Variants in DPH6 observed in about 807,000 individuals in gnomAD.
The protein encoded by DPH6 is diphthine--ammonia ligase.
DPH6 carries 33 observed loss-of-function variants against 38.2 expected under a neutral mutation model. That is an observed-to-expected ratio of 0.86 (90% CI 0.65 to 1.15). The LOEUF is 1.15. Among genes scored for constraint, DPH6 ranks in the 50% most tolerant of loss-of-function variants. The probability of loss-of-function intolerance (pLI) is 0.00; values close to 1 mark genes in which losing one functional copy is unlikely to be tolerated. For missense variants in DPH6, 325 were observed against 320.0 expected, an observed-to-expected ratio of 1.02 and a Z score of -0.12; for synonymous variants, 108 against 103.0, an observed-to-expected ratio of 1.05 and a Z score of -0.30.
At chr15:35,406,938 G>T (rs1324770122) in intron 6 of DPH6, among the ~76,000 whole-genome samples, 1 of 151,996 alleles carries the variant, frequency 6.6e-6, no homozygotes, top group Non-Finnish European at 1.5e-5. Flanking sequence ...CACCACAGGA[G>T]GAAGGCTATG....
the DPH6 span, among the ~76,000 whole-genome samples, chr15:35,187,993 A>G: frequency 3.3e-5 from 5 of 152,154 alleles, no homozygotes; most frequent in African/African-American, 1.2e-4. Flanking sequence ...AAATACAAAA[A>G]TTGGCCAGAT....
chr15:35,473,723 G>A (rs1318613905), intron 3 of DPH6, among the ~76,000 whole-genome samples: 1 of 152,044 alleles, frequency 6.6e-6, no homozygotes, highest in Admixed American at 6.5e-5. Flanking sequence ...TATGTACCAG[G>A]ACATTCATGG....
chr15:35,288,028 A>G (rs2051955106), intron 3 of DPH6, among the ~76,000 whole-genome samples: 1 of 152,202 alleles, frequency 6.6e-6, no homozygotes, highest in Admixed American at 6.5e-5. Flanking sequence ...TTGCAATGCT[A>G]TGCTGAATAA....
At chr15:35,153,047 T>C in the DPH6 span, among the ~76,000 whole-genome samples, 3 of 152,192 alleles carry the variant, frequency 2.0e-5, no homozygotes, top group African/African-American at 7.2e-5. Flanking sequence ...GCTTTTATAT[T>C]TTTTAATGGT....
chr15:35,146,153 T>C, the DPH6 span, among the ~76,000 whole-genome samples: 3 of 151,456 alleles, frequency 2.0e-5, no homozygotes, highest in South Asian at 2.1e-4. Flanking sequence ...GTTTTACTCA[T>C]TGAATATATA....
rs552526546 is a variant in DPH6 at position 35,275,551 on chromosome 15, G to C, written n.201-54969C>G. ...GAATATCACACACTGGGGCCTGTCA[G>C]GGGGTGGGGAGCAAGGAGAGGGAGA... On this transcript the variant is annotated intron_variant and non_coding_transcript_variant, in intron 3 of 3. Coordinates refer to the DPH6 transcript ENST00000560386. 1.2e-4 allele frequency among the ~76,000 whole-genome samples: 18 copies of C among 152,158 alleles called. No homozygotes were observed. The South Asian group carries it at 1.2e-3, about 11-fold the overall frequency.
intron 6 of DPH6, among the ~76,000 whole-genome samples, chr15:35,395,972 C>A (rs575821008): frequency 6.6e-6 from 1 of 152,290 alleles, no homozygotes; most frequent in South Asian, 2.1e-4. Flanking sequence ...AGTTCATCTA[C>A]AACATGCTTT....
the DPH6 span, among the ~76,000 whole-genome samples, chr15:35,166,504 G>C: frequency 0.07 from 10,669 of 151,708 alleles, 541 homozygotes; most frequent in East Asian, 0.26. Context: ...AACTTAGAAG[G>C]GTAGACAGAA....
At position 35,478,402 on chromosome 15, in the gene DPH6, CACAA is replaced by C. The variant is rs1483478762; in HGVS notation, c.313-23586_313-23583del. Among the ~76,000 whole-genome samples the C allele has an allele frequency of 2.2e-3, 284 of 129,536 alleles. 1 individual carries two copies. The highest frequency in any genetic ancestry group is 9.9e-3 in the South Asian group (38 of 3,822). 85.0% of individuals were successfully genotyped at this position (129,536 alleles called of 152,430 possible). A position where few individuals can be genotyped will look rare whatever the true frequency, so the allele number is the denominator to read the frequency against. On this transcript the variant is annotated intron_variant, in intron 3 of 8. Coordinates refer to ENST00000256538, the MANE Select transcript of DPH6 (RefSeq NM_080650.4). The stretch of plus-strand genomic sequence containing the variant: ...ACACACACACACACACACACACACA[CACAA>C]AGATTGTAAAAATATGCAGTGGATT...
rs796955271 is a variant in DPH6, at chr15:35,543,020, T to TA, written c.24-514dup. Among the ~76,000 whole-genome samples the TA allele has an allele frequency of 2.0e-3, 182 of 91,662 alleles. 1 individual carries two copies. Among genetic ancestry groups the TA allele is most frequent in the Non-Finnish European group, 2.4e-3 (108 of 44,540 alleles). The allele number at this position is 91,662 out of a possible 152,430, so 60.1% of individuals were successfully genotyped here. ...AAAAAAACTATTCTCTATGAGAAAG[T>TA]AAAAAAAAAAACAAATTCTGCTCCA... On this transcript the variant is annotated intron_variant, in intron 1 of 8. Transcript: ENST00000256538.
intron 3 of DPH6, among the ~76,000 whole-genome samples, chr15:35,503,042 G>C (rs1340108908): frequency 6.6e-6 from 1 of 150,748 alleles, no homozygotes; most frequent in Non-Finnish European, 1.5e-5. Flanking sequence ...TTCTTGTCCA[G>C]AAAAAAGTCC....
chr15:35,520,958 C>CAGA (rs2141236484), intron 3 of DPH6: 1 of 985,144 alleles, frequency 1.0e-6, no homozygotes, highest in South Asian at 4.7e-5. Context: ...AATCAAAGTG[C>CAGA]AGAACTGTGA....
At chr15:35,479,880 G>A (rs992796150) in intron 3 of DPH6, among the ~76,000 whole-genome samples, 4 of 151,872 alleles carry the variant, frequency 2.6e-5, no homozygotes, top group Non-Finnish European at 5.9e-5. Context: ...AAAGCATTTC[G>A]ATTAGACAAT....
At chr15:35,520,299 C>T (rs1460329522) in intron 3 of DPH6, 2 of 972,558 alleles carry the variant, frequency 2.1e-6, no homozygotes, top group African/African-American at 3.6e-5. Context: ...TTTTATTACA[C>T]ATAAAAACTC....
chr15:35,480,399 A>C (rs1339285852), intron 3 of DPH6, among the ~76,000 whole-genome samples: 1 of 152,116 alleles, frequency 6.6e-6, no homozygotes, highest in Non-Finnish European at 1.5e-5. Context: ...ACTGAATTTC[A>C]CCAAAACAAG....
intron 3 of DPH6, among the ~76,000 whole-genome samples, chr15:35,478,220 C>T (rs1266334224): frequency 1.3e-5 from 2 of 151,774 alleles, no homozygotes; most frequent in African/African-American, 4.8e-5. Context: ...TACTGATAAG[C>T]CTATAACTAA....
At chr15:35,286,165 A>G (rs2051942687) in intron 3 of DPH6, among the ~76,000 whole-genome samples, 1 of 152,188 alleles carries the variant, frequency 6.6e-6, no homozygotes, top group Non-Finnish European at 1.5e-5. Context: ...TAGGTAGATT[A>G]AAAAACACAA....
At chr15:35,297,885 T>C (rs1001528169) in intron 3 of DPH6, among the ~76,000 whole-genome samples, 10 of 152,130 alleles carry the variant, frequency 6.6e-5, no homozygotes, top group Admixed American at 2.0e-4. Context: ...ATTTATTTGG[T>C]GGCCAAGGCA....
chr15:35,371,428 G>T lies in DPH6; in HGVS notation c.*722C>A. The T allele has an allele frequency of 3.7e-6, 1 of 272,446 alleles. No individual in the cohort carries two copies. The highest frequency in any genetic ancestry group is 5.6e-6 in the Non-Finnish European group (1 of 178,326). 16.9% of individuals were successfully genotyped at this position (272,446 alleles called of 1,614,324 possible). On this transcript the variant is annotated 3_prime_UTR_variant, in exon 9 of 9. Transcript: ENST00000256538. ...ACCACTCTATTATAAGACATTGACG[G>T]TAGGGGAGGCTGTGAATGTGTGGAG...
Sources: allele counts gnomAD v4.1 joint callset (sites outside exome capture counted in the v4.1 genomes callset), GRCh38; gene constraint gnomAD v4.1.1; transcripts MANE v1.5; gene names NCBI Gene and HGNC (gene_info 2026-07-23, HGNC 2026-07-21).